Variants in FBXL19 observed in about 807,000 individuals in gnomAD.
FBXL19 encodes F-box/LRR-repeat protein 19.
FBXL19 carries 16 observed loss-of-function variants against 71.2 expected under a neutral mutation model. The ratio of observed to expected loss-of-function variants is 0.22; its 90% CI spans 0.15 to 0.34. The LOEUF (loss-of-function observed/expected upper bound fraction) is 0.34, where lower values mean the gene tolerates loss of function less well. Among genes scored for constraint, FBXL19 ranks in the 10% least tolerant of loss-of-function variants. The pLI is 1.00. For missense variants in FBXL19, 658 were observed against 968.2 expected, an observed-to-expected ratio of 0.68 and a Z score of 4.25; for synonymous variants, 447 against 409.4, an observed-to-expected ratio of 1.09 and a Z score of -1.11.
Position 30,947,551 on chromosome 16 carries a change from G to C in FBXL19, c.*321G>C. 3.2e-6 allele frequency: 1 copy of C among 315,206 alleles called. No homozygotes were observed. Among genetic ancestry groups the C allele is most frequent in the South Asian group, 2.7e-5 (1 of 37,022 alleles). The allele number at this position is 315,206 out of a possible 1,614,324, so 19.5% of individuals were successfully genotyped here. ...GGGTTATGGTGCAAGTGTTGGGGGG[G>C]AGAATGGGGAAAGGACACACACAGG... is the stretch of plus-strand genomic sequence containing the variant. On this transcript the variant is annotated 3_prime_UTR_variant, in exon 11 of 11. Coordinates refer to ENST00000338343, the MANE Select transcript of FBXL19 (RefSeq NM_001382779.1).
rs367666811 is a variant in FBXL19 at position 30,942,453 on chromosome 16, G to A, written c.1544G>A (p.Arg515Gln). ...GGCTCAGCCCCACTGCCAGCCCTGC[G>A]GCTCCTGGACCTCCGCTGGATCGAG... ...ALGSAPLPAL[R>Q]LLDLRWIEDV... The change falls in exon 9 of 11, where the codon CGG (arginine) becomes CAG (glutamine). Residue 515 changes from arginine to glutamine, a missense_variant. Physicochemically the swap from Arg to Gln is conservative, Grantham distance 43. This residue lies in a region of FBXL19 where 21 missense variants were observed against 45.1 expected (regional missense o/e 0.47). Coordinates refer to ENST00000338343, the MANE Select transcript of FBXL19 (RefSeq NM_001382779.1). The surrounding 1 kb of genome is among the most constrained non-coding windows in gnomAD (Gnocchi z 5.7). 11 of 1,605,700 alleles carry A rather than the reference G, an allele frequency of 6.9e-6. No homozygotes were observed. The highest frequency in any genetic ancestry group is 8.5e-6 in the Non-Finnish European group (10 of 1,176,540).
chr16:30,943,785 G>A (rs1018315263), intron 9 of FBXL19, among the ~76,000 whole-genome samples: 4 of 151,996 alleles, frequency 2.6e-5, no homozygotes, highest in African/African-American at 9.7e-5. Flanking sequence ...TTATAGGCGT[G>A]AGCCACCACA....
chr16:30,943,869 C>T (rs1208395958), intron 9 of FBXL19, among the ~76,000 whole-genome samples: 2 of 152,140 alleles, frequency 1.3e-5, no homozygotes, highest in African/African-American at 2.4e-5. Flanking sequence ...CCCACCATGC[C>T]CCCTCCACAA....
At chr16:30,943,835 C>A (rs1018623547) in intron 9 of FBXL19, among the ~76,000 whole-genome samples, 1 of 152,138 alleles carries the variant, frequency 6.6e-6, no homozygotes, top group East Asian at 1.9e-4. Context: ...TTCTTTCACC[C>A]CTCTCTTTCA....
In FBXL19 at chr16:30,927,361, G is replaced by C; in HGVS notation, c.231G>C (p.Glu77Asp). The stretch of plus-strand genomic sequence containing the variant: ...TCTTGTGTGGGGAGGCTGGGAAGGA[G>C]GACACGGTGGAGGGAGAGGAAGAGA... ...VCLLCGEAGK[E>D]DTVEGEEEKF... The change falls in exon 3 of 11, where the codon GAG becomes GAC. Residue 77 changes from glutamate (E) to aspartate (D), a missense_variant. Physicochemically the swap from Glu to Asp is conservative, Grantham distance 45 (BLOSUM62 2). Coordinates refer to ENST00000338343, the MANE Select transcript of FBXL19 (RefSeq NM_001382779.1). 6.3e-7 allele frequency: 1 copy of C among 1,589,950 alleles called. No individual in the cohort carries two copies.
At position 30,947,545 on chromosome 16, in the gene FBXL19, G is replaced by A. The variant is rs72799354; in HGVS notation, c.*315G>A. On this transcript the variant is annotated 3_prime_UTR_variant, in exon 11 of 11. Coordinates refer to ENST00000338343, the MANE Select transcript of FBXL19 (RefSeq NM_001382779.1). ...GGAGGGGGGTTATGGTGCAAGTGTT[G>A]GGGGGGAGAATGGGGAAAGGACACA... The A allele has an allele frequency of 2.2e-3, 808 of 369,842 alleles. No homozygotes were observed. The highest frequency in any genetic ancestry group is 2.3e-3 in the Non-Finnish European group (454 of 196,576). 22.9% of individuals were successfully genotyped at this position (369,842 alleles called of 1,614,324 possible). A position where few individuals can be genotyped will look rare whatever the true frequency, so the allele number is the denominator to read the frequency against.
chr16:30,929,938 A>C, intron 6 of FBXL19, 135 bp from the exon 7 acceptor site: 1 of 1,184,586 alleles, frequency 8.4e-7, no homozygotes, highest in Non-Finnish European at 1.2e-6. Context: ...AAGGTCTCTC[A>C]CTGTCCGGAG....
chr16:30,941,853 G>C (rs4405566), intron 7 of FBXL19, among the ~76,000 whole-genome samples: 14,986 of 152,222 alleles, frequency 0.098, 2,152 homozygotes, highest in African/African-American at 0.32. Flanking sequence ...CAGGCAGAGT[G>C]GGGGGGCTAT....
At chr16:30,933,605 G>A (rs2055698987) in intron 7 of FBXL19, among the ~76,000 whole-genome samples, 2 of 148,454 alleles carry the variant, frequency 1.3e-5, no homozygotes, top group African/African-American at 5.0e-5. Context: ...ACATGCCACT[G>A]TGCCTGGCCA....
In FBXL19 at chr16:30,946,270, C is replaced by T. The variant is rs1048291533; in HGVS notation, c.1628-460C>T. On this transcript the variant is annotated intron_variant, in intron 9 of 10. Coordinates refer to ENST00000338343, the MANE Select transcript of FBXL19 (RefSeq NM_001382779.1). This position sits in a 1 kb window ranked among gnomAD's most constrained non-coding sequence, Gnocchi z 6.7. ...CCAGGCTGGGGTGCAGTGGCACAAT[C>T]GTGGCTCACTGCAACCTCCACCTCT... Among the ~76,000 whole-genome samples the T allele has an allele frequency of 2.6e-5, 4 of 152,172 alleles. No individual in the cohort carries two copies. Among genetic ancestry groups the T allele is most frequent in the Non-Finnish European group, 2.9e-5 (2 of 68,020 alleles).
intron 7 of FBXL19, among the ~76,000 whole-genome samples, chr16:30,936,703 C>T (rs1352044787): frequency 6.7e-6 from 1 of 150,156 alleles, no homozygotes; most frequent in Non-Finnish European, 1.5e-5. Flanking sequence ...GCCTCAGCCT[C>T]CCAAAGTGCT....
rs375251481 is a variant in FBXL19 at position 30,930,286 on chromosome 16, C to T, written c.1003C>T (p.Arg335Trp). The T allele has an allele frequency of 2.2e-5, 36 of 1,612,042 alleles. No homozygotes were observed. The highest frequency in any genetic ancestry group is 2.8e-5 in the Non-Finnish European group (33 of 1,179,488). The change falls in exon 7 of 11, where the codon CGG becomes TGG. Residue 335 changes from arginine to tryptophan, a missense_variant. By Grantham distance (101) the Arg-to-Trp change is moderately radical (BLOSUM62 -3). This residue lies in a region of FBXL19 where 447 missense variants were observed against 515.4 expected (regional missense o/e 0.87). Transcript: ENST00000338343. This position sits in a 1 kb window ranked among gnomAD's most constrained non-coding sequence, Gnocchi z 8.5. ...EAPGEARNGR[R>W]PARGSSGEKE... ...CCCCGGCGAGGCCCGGAATGGGCGACGGCCAGCCCGGGGCAGCTCTGGCGA... is the reference window on the plus strand; with the variant it reads ...CCCCGGCGAGGCCCGGAATGGGCGATGGCCAGCCCGGGGCAGCTCTGGCGA...
At position 30,928,677 on chromosome 16, in the gene FBXL19, C is replaced by T. The variant is rs760312482; in HGVS notation, c.789+49C>T. ...CCCTTCCCACCTTCCCTTGCCCCAC[C>T]CTTCACCCTGGAGCCCAAGACCTGT... On this transcript the variant is annotated intron_variant, in intron 6 of 10. Coordinates refer to ENST00000338343, the MANE Select transcript of FBXL19 (RefSeq NM_001382779.1). 2.4e-5 allele frequency: 35 copies of T among 1,444,958 alleles called. No individual in the cohort carries two copies. The Admixed American group carries it at 3.3e-4, about 13-fold the overall frequency. The allele number at this position is 1,444,958 out of a possible 1,614,324, so 89.5% of individuals were successfully genotyped here.
intron 7 of FBXL19, among the ~76,000 whole-genome samples, chr16:30,937,583 T>C (rs1163312829): frequency 6.6e-6 from 1 of 152,058 alleles, no homozygotes; most frequent in Non-Finnish European, 1.5e-5. Flanking sequence ...AGTGTCCTGG[T>C]TGTACAAGAG....
chr16:30,927,891 G>A lies in FBXL19; in HGVS notation c.555G>A (p.Pro185=). ...RKGPLPAGPP[P]EDVPGPPKRK... is the part of the protein sequence containing the mutation. The stretch of plus-strand genomic sequence containing the variant: ...GCCCCCTGCCTGCCGGGCCCCCCCC[G>A]GAGGACGTGCCTGGGCCCCCCAAAC... The change falls in exon 5 of 11, where the codon CCG becomes CCA. Residue 185 remains proline, a synonymous_variant. Transcript: ENST00000338343. The A allele has an allele frequency of 6.5e-7, 1 of 1,534,724 alleles. No homozygotes were observed. The highest frequency in any genetic ancestry group is 8.7e-7 in the Non-Finnish European group (1 of 1,144,042).
intron 7 of FBXL19, among the ~76,000 whole-genome samples, chr16:30,934,594 G>A (rs1050130107): frequency 6.6e-6 from 1 of 152,138 alleles, no homozygotes; most frequent in Middle Eastern, 3.4e-3. Context: ...GGAGGCGGAG[G>A]TTGCAGTGAG....
rs370574317 is a variant in FBXL19, at chr16:30,928,611, C to T, written c.772C>T (p.Pro258Ser). 2 of 1,590,138 alleles carry T rather than the reference C, an allele frequency of 1.3e-6. No homozygotes were observed. The highest frequency in any genetic ancestry group is 1.7e-6 in the Non-Finnish European group (2 of 1,169,452). Residue 258 changes from proline to serine, a missense_variant, in exon 6 of 11, where the codon CCT becomes TCT. Pro to Ser is a moderately conservative substitution (Grantham distance 74, BLOSUM62 -1). Transcript: ENST00000338343. ...TTTCTCATCCTGCCACCCTGGGCTCCCTCCCGAGAACTGGGAGGTGTGCCG... is the reference window on the plus strand; with the variant it reads ...TTTCTCATCCTGCCACCCTGGGCTCTCTCCCGAGAACTGGGAGGTGTGCCG... ...QAFSSCHPGL[P>S]PENWEKPKPP...
chr16:30,927,228 C>A, intron 2 of FBXL19, 80 bp from the exon 3 acceptor site: 1 of 1,435,016 alleles, frequency 7.0e-7, no homozygotes, highest in Non-Finnish European at 9.3e-7. Flanking sequence ...CATCCGTCAC[C>A]TGGCCAGGGT....
chr16:30,947,089 C>T lies in FBXL19; in HGVS notation c.1884C>T (p.Phe628=). The T allele has an allele frequency of 6.3e-7, 1 of 1,597,292 alleles. No individual in the cohort carries two copies. Among genetic ancestry groups the T allele is most frequent in the Non-Finnish European group, 8.5e-7 (1 of 1,176,806 alleles). The change falls in exon 11 of 11, where the codon TTC becomes TTT. Residue 628 remains phenylalanine (F), a synonymous_variant. Coordinates refer to ENST00000338343, the MANE Select transcript of FBXL19 (RefSeq NM_001382779.1). The stretch of plus-strand genomic sequence containing the variant: ...TAACGGACCACTGCCTCCCGCTGTT[C>T]CGCCGCTGCCCTCGTCTACGCCGCC... ...HRLTDHCLPL[F]RRCPRLRRLD...
Sources: allele counts gnomAD v4.1 joint callset (sites outside exome capture counted in the v4.1 genomes callset), GRCh38; gene constraint gnomAD v4.1.1; regional missense constraint gnomAD v4.1.1; non-coding constraint Gnocchi (gnomAD v3.1); transcripts MANE v1.5; gene names NCBI Gene and HGNC (gene_info 2026-07-23, HGNC 2026-07-21).